PRKG1: variants seen among roughly 807,000 people sequenced by gnomAD.
PRKG1 encodes protein kinase cGMP-dependent 1, also known as cGMP-dependent protein kinase 1.
Under a neutral mutation model 88.1 loss-of-function variants are expected in PRKG1, and 35 were observed. The observed-to-expected ratio is 0.40, with a 90% CI of 0.30 to 0.53. The LOEUF is 0.53. Ranked by LOEUF, PRKG1 falls within the 20% of genes least tolerant of loss-of-function variation. The pLI is 0.59. For synonymous variants in PRKG1, 303 were observed against 292.5 expected, an observed-to-expected ratio of 1.04 and a Z score of -0.37; for missense variants, 540 against 839.8, an observed-to-expected ratio of 0.64 and a Z score of 4.41.
chr10:52,175,292 T>G (rs546821052), intron 9 of PRKG1, among the ~76,000 whole-genome samples: 1 of 152,214 alleles, frequency 6.6e-6, no homozygotes, highest in East Asian at 1.9e-4. Flanking sequence ...TTCAGTTCCA[T>G]CTATATCGCC....
At chr10:51,617,840 C>T (rs1323013511) in intron 3 of PRKG1, among the ~76,000 whole-genome samples, 2 of 152,122 alleles carry the variant, frequency 1.3e-5, no homozygotes, top group Non-Finnish European at 2.9e-5. Context: ...GCTTGTTTTT[C>T]TCAAGCAAAG....
chr10:52,193,863 A>C (rs1241831164), intron 9 of PRKG1, among the ~76,000 whole-genome samples: 1 of 152,242 alleles, frequency 6.6e-6, no homozygotes, highest in Admixed American at 6.5e-5. Context: ...TTTTTAGAGG[A>C]GCAGAATGTG....
intron 7 of PRKG1, among the ~76,000 whole-genome samples, chr10:52,126,600 C>T (rs1157771470): frequency 2.0e-5 from 3 of 152,124 alleles, no homozygotes; most frequent in African/African-American, 7.2e-5. Context: ...CCTGCCTCAG[C>T]CTTTCATGTA....
chr10:52,089,869 G>A (rs1246588782), intron 7 of PRKG1, among the ~76,000 whole-genome samples: 1 of 130,780 alleles, frequency 7.6e-6, no homozygotes, highest in African/African-American at 2.8e-5. Context: ...GAGTGCAGTG[G>A]AGTGGCACAA....
At chr10:52,251,335 G>T (rs2132400163) in intron 9 of PRKG1, among the ~76,000 whole-genome samples, 1 of 152,272 alleles carries the variant, frequency 6.6e-6, no homozygotes, top group South Asian at 2.1e-4. Flanking sequence ...TGACTGGCAT[G>T]CAGTGGGTAC....
chr10:52,257,738 T>C lies in PRKG1; in HGVS notation c.1173+6072T>C, dbSNP rs1022948188. On this transcript the variant is annotated intron_variant, in intron 10 of 17. Transcript: ENST00000373980. ...ATATGTAATTCTCATGTTATGTTTA[T>C]TCTTCAAAAGAATAAAAACGGACAA... Among the ~76,000 whole-genome samples the C allele has an allele frequency of 5.7e-5, 8 of 139,852 alleles. 1 individual carries two copies. Among genetic ancestry groups the C allele is most frequent in the Admixed American group, 1.5e-4 (2 of 13,328 alleles). 91.7% of individuals were successfully genotyped at this position (139,852 alleles called of 152,430 possible). A position where few individuals can be genotyped will look rare whatever the true frequency, so the allele number is the denominator to read the frequency against.
chr10:51,698,846 G>A (rs779633285), intron 3 of PRKG1: 1 of 1,614,182 alleles, frequency 6.2e-7, no homozygotes, highest in Non-Finnish European at 8.5e-7. Flanking sequence ...CTGAGGAGCT[G>A]GAGGATTCTG....
At chr10:52,238,477 A>G (rs1840751950) in intron 9 of PRKG1, among the ~76,000 whole-genome samples, 1 of 152,048 alleles carries the variant, frequency 6.6e-6, no homozygotes, top group Admixed American at 6.5e-5. Context: ...TTTACAAGAA[A>G]GAAACAAACA....
chr10:51,095,554 A>G (rs1844507183), intron 1 of PRKG1, among the ~76,000 whole-genome samples: 1 of 152,200 alleles, frequency 6.6e-6, no homozygotes, highest in Non-Finnish European at 1.5e-5. Context: ...TTCACTTAGG[A>G]AAACCTTATA....
At chr10:51,934,715 C>A (rs1842767431) in intron 5 of PRKG1, among the ~76,000 whole-genome samples, 1 of 152,102 alleles carries the variant, frequency 6.6e-6, no homozygotes, top group African/African-American at 2.4e-5. Flanking sequence ...ATTAGCCTTG[C>A]CAATTGTGGA....
chr10:52,073,364 T>G (rs1589581135), intron 7 of PRKG1, among the ~76,000 whole-genome samples: 1 of 152,290 alleles, frequency 6.6e-6, no homozygotes, highest in Non-Finnish European at 1.5e-5. Context: ...CTACATTCTC[T>G]AAAGCAAATC....
chr10:52,101,577 T>A (rs1847294362), intron 7 of PRKG1, among the ~76,000 whole-genome samples: 1 of 152,218 alleles, frequency 6.6e-6, no homozygotes, highest in African/African-American at 2.4e-5. Flanking sequence ...CAACATTTAA[T>A]GAATTCTTAC....
At chr10:52,105,294 T>C (rs1033273277) in intron 7 of PRKG1, among the ~76,000 whole-genome samples, 1 of 152,190 alleles carries the variant, frequency 6.6e-6, no homozygotes, top group African/African-American at 2.4e-5. Flanking sequence ...AAATACTTTA[T>C]GTTATAGTTT....
chr10:51,067,629 C>A (rs969912224), intron 1 of PRKG1, among the ~76,000 whole-genome samples: 4 of 151,908 alleles, frequency 2.6e-5, no homozygotes, highest in African/African-American at 9.7e-5. Flanking sequence ...GTATTATAAT[C>A]TGGGGAAAAA....
At chr10:51,218,073 T>C (rs1838417015) in intron 2 of PRKG1, among the ~76,000 whole-genome samples, 1 of 152,178 alleles carries the variant, frequency 6.6e-6, no homozygotes, top group Admixed American at 6.5e-5. Context: ...TGAACTGTGA[T>C]ACTTATGTCG....
At chr10:51,807,078 C>A (rs923347232) in intron 4 of PRKG1, among the ~76,000 whole-genome samples, 1 of 152,156 alleles carries the variant, frequency 6.6e-6, no homozygotes, top group Admixed American at 6.5e-5. Flanking sequence ...AAGCTTATTT[C>A]TACTTCTAGA....
intron 2 of PRKG1, among the ~76,000 whole-genome samples, chr10:51,186,388 C>T (rs1018911170): frequency 2.0e-5 from 3 of 151,480 alleles, no homozygotes; most frequent in African/African-American, 7.3e-5. Flanking sequence ...TCTATGTTCT[C>T]TTTGGTTCCT....
intron 3 of PRKG1, chr10:51,697,082 C>T (rs1186079890): frequency 6.6e-6 from 1 of 152,110 alleles, no homozygotes; most frequent in Non-Finnish European, 1.5e-5. Context: ...ATCAGGTGCA[C>T]TCCTTGATTT....
At chr10:52,026,120 GA>G (rs1845330854) in intron 5 of PRKG1, among the ~76,000 whole-genome samples, 2 of 151,966 alleles carry the variant, frequency 1.3e-5, no homozygotes, top group African/African-American at 4.8e-5. Context: ...GCCATATACA[GA>G]AAGCTAAAAG....
Sources: gnomAD v4.1 joint callset for allele counts (sites outside exome capture counted in the v4.1 genomes callset) on GRCh38, gnomAD v4.1.1 for gene constraint, MANE v1.5 for transcripts, NCBI Gene and HGNC (gene_info 2026-07-23, HGNC 2026-07-21) for gene names.